The following C17orf67 variants were observed in gnomAD, a reference collection of about 807,000 sequenced individuals.
C17orf67 encodes uncharacterized protein C17orf67.
A neutral mutation model predicts 11.2 loss-of-function variants in C17orf67; 12 were observed. That is an observed-to-expected ratio of 1.07 (90% CI 0.68 to 1.73). The LOEUF (loss-of-function observed/expected upper bound fraction) is 1.73. Among genes scored for constraint, C17orf67 ranks in the 40% most tolerant of loss-of-function variants. The pLI is 0.00. For synonymous variants in C17orf67, 59 were observed against 46.9 expected (o/e 1.26, Z -1.05); for missense variants, 115 against 113.5 (o/e 1.01, Z -0.06).
rs1905111656 is a variant in C17orf67, at chr17:56,791,937, G to A, written c.*436C>T. On this transcript the variant is annotated 3_prime_UTR_variant, in exon 8 of 8. Transcript: ENST00000397861. ...GTAAATTTAATACCAATGTTTATTAGGGCAGAAAAGAAGAGGAAAAAAATA... is the reference window on the plus strand; with the variant it reads ...GTAAATTTAATACCAATGTTTATTAAGGCAGAAAAGAAGAGGAAAAAAATA... 1 of 151,986 alleles carries A rather than the reference G, an allele frequency of 6.6e-6. No homozygotes were observed. Among genetic ancestry groups the A allele is most frequent in the Non-Finnish European group, 1.5e-5 (1 of 68,014 alleles). The allele number at this position is 151,986 out of a possible 1,614,324, so 9.4% of individuals were successfully genotyped here. A position where few individuals can be genotyped will look rare whatever the true frequency, so the allele number is the denominator to read the frequency against.
At chr17:56,811,369 C>T (rs1208205203) in intron 6 of C17orf67, among the ~76,000 whole-genome samples, 1 of 152,212 alleles carries the variant, frequency 6.6e-6, no homozygotes, top group Non-Finnish European at 1.5e-5. Context: ...CTCATCCCTA[C>T]CCCCTGCCCT....
At chr17:56,821,591 A>G (rs527311034) in intron 4 of C17orf67, among the ~76,000 whole-genome samples, 49 of 152,202 alleles carry the variant, frequency 3.2e-4, no homozygotes, top group Non-Finnish European at 6.5e-4. Flanking sequence ...TGTTCCTTCA[A>G]TCTATTCTCT....
intron 6 of C17orf67, among the ~76,000 whole-genome samples, chr17:56,796,622 G>T (rs1021008704): frequency 6.6e-6 from 1 of 152,118 alleles, no homozygotes; most frequent in African/African-American, 2.4e-5. Context: ...AACTGTCATT[G>T]CCTCACTCAC....
At chr17:56,801,060 A>G (rs1408451898) in intron 6 of C17orf67, among the ~76,000 whole-genome samples, 1 of 152,228 alleles carries the variant, frequency 6.6e-6, no homozygotes, top group Non-Finnish European at 1.5e-5. Flanking sequence ...ACTCAAAACA[A>G]AAAACTTGTT....
At chr17:56,822,677 T>C (rs575393105) in intron 4 of C17orf67, among the ~76,000 whole-genome samples, 1 of 152,312 alleles carries the variant, frequency 6.6e-6, no homozygotes, top group South Asian at 2.1e-4. Context: ...TAAAGATAGA[T>C]TAATCACACG....
intron 6 of C17orf67, among the ~76,000 whole-genome samples, chr17:56,805,119 T>TA (rs1367944287): frequency 6.6e-6 from 1 of 152,144 alleles, no homozygotes; most frequent in East Asian, 1.9e-4. Context: ...TAGACAGACA[T>TA]AAAAGAGTCA....
Position 56,810,222 on chromosome 17 carries a change from CCCCT to C in C17orf67, c.156+4643_156+4646del, listed in dbSNP as rs1666719197. 2.7e-5 allele frequency among the ~76,000 whole-genome samples: 4 copies of C among 149,326 alleles called. No homozygotes were observed. In the South Asian group the frequency reaches 8.6e-4, roughly 32 times the overall value. Reference sequence around the variant, plus strand: ...ACACACTCTCACACACACCATCACACCCCTCACATACATCCTCACACACATGCAT... The same window carrying C: ...ACACACTCTCACACACACCATCACACCACATACATCCTCACACACATGCAT... On this transcript the variant is annotated intron_variant, in intron 6 of 7. Coordinates refer to ENST00000397861, the MANE Select transcript of C17orf67 (RefSeq NM_001085430.4).
At chr17:56,811,711 A>G (rs1905632052) in intron 6 of C17orf67, among the ~76,000 whole-genome samples, 1 of 152,248 alleles carries the variant, frequency 6.6e-6, no homozygotes, top group African/African-American at 2.4e-5. Flanking sequence ...GGTGCTTAGT[A>G]GGGCATGGTC....
chr17:56,826,480 C>T (rs1906035499), intron 2 of C17orf67, among the ~76,000 whole-genome samples: 1 of 152,146 alleles, frequency 6.6e-6, no homozygotes. Flanking sequence ...CTTCCCAGGC[C>T]TCACAATCCC....
intron 6 of C17orf67, among the ~76,000 whole-genome samples, chr17:56,809,938 ACTC>A (rs1380181507): frequency 4.2e-5 from 5 of 118,350 alleles, no homozygotes; most frequent in South Asian, 2.9e-4. Flanking sequence ...CCTCACACAT[ACTC>A]CTCACACATA....
chr17:56,800,456 T>C (rs1372470606), intron 6 of C17orf67, among the ~76,000 whole-genome samples: 2 of 152,154 alleles, frequency 1.3e-5, no homozygotes, highest in Admixed American at 1.3e-4. Context: ...AAGTTCTGAT[T>C]CCTTAATATG....
chr17:56,830,344 C>CAAAAAA (rs745537754), intron 2 of C17orf67, among the ~76,000 whole-genome samples: 1 of 81,428 alleles, frequency 1.2e-5, no homozygotes, highest in African/African-American at 4.8e-5. Flanking sequence ...GACTCCGTCT[C>CAAAAAA]AAAAAAAAAA....
intron 5 of C17orf67, 141 bp from the exon 6 acceptor site, chr17:56,815,110 T>C (rs750938903): frequency 2.7e-6 from 2 of 730,466 alleles, no homozygotes; most frequent in Non-Finnish European, 4.9e-6. Flanking sequence ...TCCCAAAGGA[T>C]GCAGCATTCC....
chr17:56,819,741 A>C (rs1340097945), intron 4 of C17orf67, among the ~76,000 whole-genome samples: 2 of 152,184 alleles, frequency 1.3e-5, no homozygotes, highest in Non-Finnish European at 2.9e-5. Context: ...GGCGGTGAGA[A>C]TTCTCTTCTA....
chr17:56,814,531 G>A (rs1036566594), intron 6 of C17orf67, among the ~76,000 whole-genome samples: 3 of 152,188 alleles, frequency 2.0e-5, no homozygotes, highest in African/African-American at 7.2e-5. Flanking sequence ...GGGCCCAAGG[G>A]AAGAGGCAGG....
chr17:56,821,179 T>A (rs1393302038), intron 4 of C17orf67, among the ~76,000 whole-genome samples: 1 of 152,128 alleles, frequency 6.6e-6, no homozygotes, highest in African/African-American at 2.4e-5. Flanking sequence ...CCCCTTGGCC[T>A]CCCAAAGGAA....
rs148745959 is a variant in C17orf67 at position 56,795,119 on chromosome 17, C to T, written c.218G>A (p.Trp73Ter). 3.3e-4 allele frequency: 530 copies of T among 1,614,140 alleles called. No homozygotes were observed. The African/African-American group carries it at 6.2e-3, about 19-fold the overall frequency. The stretch of plus-strand genomic sequence containing the variant: ...GTGGGGTTTGCAGTGAGGGTTCAGC[C>T]AGTGCTCCAGGAACTGCTCCTCAGC... ...HRAEEQFLEH[W>*]LNPHCKPHCD... The change falls in exon 7 of 8, where the codon TGG (tryptophan) becomes TAG (stop). Residue 73 changes from tryptophan to a stop codon, truncating the protein, a stop_gained. Coordinates refer to ENST00000397861, the MANE Select transcript of C17orf67 (RefSeq NM_001085430.4). LOFTEE classifies it high-confidence loss of function.
intron 6 of C17orf67, among the ~76,000 whole-genome samples, chr17:56,814,486 A>G (rs1244432290): frequency 1.3e-5 from 2 of 152,128 alleles, no homozygotes; most frequent in Non-Finnish European, 2.9e-5. Flanking sequence ...TGGACAGACC[A>G]TCATTGACCA....
intron 6 of C17orf67, among the ~76,000 whole-genome samples, chr17:56,796,117 A>C (rs982219577): frequency 2.2e-4 from 33 of 152,236 alleles, no homozygotes; most frequent in Non-Finnish European, 2.1e-4. Flanking sequence ...TTTTGTAAAA[A>C]TAGTCTGGCA....
Sources: allele counts gnomAD v4.1 joint callset (sites outside exome capture counted in the v4.1 genomes callset), GRCh38; gene constraint gnomAD v4.1.1; transcripts MANE v1.5; gene names NCBI Gene and HGNC (gene_info 2026-07-23, HGNC 2026-07-21).